Variants in KHDRBS2 observed in about 807,000 individuals in gnomAD.
The protein encoded by KHDRBS2 is KH domain-containing, RNA-binding, signal transduction-associated protein 2.
KHDRBS2 carries 26 observed loss-of-function variants against 44.3 expected under a neutral mutation model. That is an observed-to-expected ratio of 0.59 (90% CI 0.43 to 0.81). The LOEUF is 0.81. Among genes scored for constraint, KHDRBS2 ranks in the 40% least tolerant of loss-of-function variants. The pLI is 0.00. For synonymous variants in KHDRBS2, 194 were observed against 151.1 expected, an observed-to-expected ratio of 1.28 and a Z score of -2.08; for missense variants, 476 against 433.1, an observed-to-expected ratio of 1.10 and a Z score of -0.88.
the KHDRBS2 span, among the ~76,000 whole-genome samples, chr6:61,625,688 G>A: frequency 7.2e-5 from 11 of 152,110 alleles, no homozygotes; most frequent in Non-Finnish European, 8.8e-5. Context: ...TGTCAGACTT[G>A]CATCAGAAAC....
At chr6:61,960,511 A>G (rs1468128906) in intron 4 of KHDRBS2, among the ~76,000 whole-genome samples, 2 of 152,156 alleles carry the variant, frequency 1.3e-5, no homozygotes, top group East Asian at 1.9e-4. Context: ...GTGGTGAAAT[A>G]AAGTGAAATA....
chr6:61,801,080 C>T (rs531721859), intron 6 of KHDRBS2, among the ~76,000 whole-genome samples: 3 of 152,232 alleles, frequency 2.0e-5, no homozygotes, highest in East Asian at 3.9e-4. Context: ...ATAATTTCTA[C>T]CCAAATTCTA....
At chr6:61,614,065 T>C in the KHDRBS2 span, among the ~76,000 whole-genome samples, 4 of 152,216 alleles carry the variant, frequency 2.6e-5, no homozygotes, top group Non-Finnish European at 5.9e-5. Flanking sequence ...ATTATTTTAT[T>C]CGCTTCTTTA....
chr6:61,705,522 A>G (rs1381793920), intron 7 of KHDRBS2, among the ~76,000 whole-genome samples: 2 of 151,874 alleles, frequency 1.3e-5, no homozygotes, highest in African/African-American at 2.4e-5. Context: ...TAGCTAATTA[A>G]GTTACTTGTC....
chr6:61,551,258 G>A, the KHDRBS2 span, among the ~76,000 whole-genome samples: 2 of 151,946 alleles, frequency 1.3e-5, no homozygotes, highest in Admixed American at 6.6e-5. Context: ...TATAAGTTTT[G>A]GTTATTAGAC....
intron 6 of KHDRBS2, among the ~76,000 whole-genome samples, chr6:61,811,859 A>G (rs951148836): frequency 1.3e-5 from 2 of 152,020 alleles, no homozygotes; most frequent in African/African-American, 4.8e-5. Flanking sequence ...ATAAAATCTG[A>G]TGTTTCTTCA....
chr6:61,702,368 T>A (rs1413682870), intron 7 of KHDRBS2, among the ~76,000 whole-genome samples: 2 of 151,948 alleles, frequency 1.3e-5, no homozygotes, highest in Non-Finnish European at 2.9e-5. Context: ...CAGTGAATGA[T>A]GCCATGGAGC....
chr6:61,680,880 C>T lies in KHDRBS2; in HGVS notation c.*83G>A, dbSNP rs1263917365. The stretch of plus-strand genomic sequence containing the variant: ...TAGAAACAAACAAACAAAAAAAGGA[C>T]TATTACTTGTCTTGTTGCTGTTTAT... On this transcript the variant is annotated 3_prime_UTR_variant, in exon 9 of 9. Transcript: ENST00000281156. 4.1e-5 allele frequency: 32 copies of T among 785,928 alleles called. No individual in the cohort carries two copies. Among genetic ancestry groups the T allele is most frequent in the Non-Finnish European group, 1.5e-5 (7 of 467,700 alleles). 48.7% of individuals were successfully genotyped at this position (785,928 alleles called of 1,614,324 possible).
chr6:61,908,491 G>T (rs534462108), intron 4 of KHDRBS2, among the ~76,000 whole-genome samples: 19 of 151,936 alleles, frequency 1.3e-4, no homozygotes, highest in African/African-American at 4.6e-4. Context: ...AAAATTAGCC[G>T]GGCGTGGTGG....
At chr6:61,704,457 C>T (rs1383584203) in intron 7 of KHDRBS2, among the ~76,000 whole-genome samples, 1 of 151,722 alleles carries the variant, frequency 6.6e-6, no homozygotes, top group African/African-American at 2.4e-5. Flanking sequence ...TCAGCACCAA[C>T]CAAGTCCCAG....
At chr6:62,235,971 T>C (rs1425497524) in intron 1 of KHDRBS2, among the ~76,000 whole-genome samples, 1 of 152,100 alleles carries the variant, frequency 6.6e-6, no homozygotes, top group Non-Finnish European at 1.5e-5. Flanking sequence ...AGGAGGAAAA[T>C]TAGATCAACT....
chr6:61,670,263 A>G, the KHDRBS2 span, among the ~76,000 whole-genome samples: 1 of 151,380 alleles, frequency 6.6e-6, no homozygotes, highest in Non-Finnish European at 1.5e-5. Context: ...TTGTACCTGA[A>G]TTACTCACTA....
intron 1 of KHDRBS2, among the ~76,000 whole-genome samples, chr6:62,277,377 T>C (rs1841111846): frequency 6.6e-6 from 1 of 152,178 alleles, no homozygotes; most frequent in Non-Finnish European, 1.5e-5. Flanking sequence ...AGTCTTGCTC[T>C]GTCACCCAAG....
intron 6 of KHDRBS2, among the ~76,000 whole-genome samples, chr6:61,790,407 TAAAA>T (rs60297993): frequency 7.2e-6 from 1 of 139,742 alleles, no homozygotes; most frequent in Non-Finnish European, 1.6e-5. Flanking sequence ...ACTTGGGACT[TAAAA>T]AAAAAAAAAA....
intron 6 of KHDRBS2, among the ~76,000 whole-genome samples, chr6:61,774,956 C>T (rs1282663586): frequency 3.3e-5 from 5 of 152,150 alleles, no homozygotes; most frequent in African/African-American, 7.2e-5. Flanking sequence ...ATCAAGTGGG[C>T]TTCAACCCCG....
intron 3 of KHDRBS2, among the ~76,000 whole-genome samples, chr6:61,993,673 A>ATATATATATATT (rs1425839225): frequency 1.7e-5 from 2 of 115,692 alleles, no homozygotes; most frequent in African/African-American, 3.2e-5. Flanking sequence ...ATATATATAT[A>ATATATATATATT]TTTTTTTTTT....
chr6:61,721,840 G>A (rs1772621493), intron 7 of KHDRBS2, among the ~76,000 whole-genome samples: 1 of 52,334 alleles, frequency 1.9e-5, no homozygotes, highest in Admixed American at 2.0e-4. Context: ...GTGAGAGAGG[G>A]CACCCCGTCT....
chr6:62,034,344 T>C (rs1004499281), intron 3 of KHDRBS2, among the ~76,000 whole-genome samples: 1 of 151,780 alleles, frequency 6.6e-6, no homozygotes, highest in Non-Finnish European at 1.5e-5. Context: ...AGTACCCTGA[T>C]ACCAAAACCA....
chr6:61,548,470 C>T, the KHDRBS2 span, among the ~76,000 whole-genome samples: 3 of 152,052 alleles, frequency 2.0e-5, no homozygotes, highest in African/African-American at 7.2e-5. Flanking sequence ...CTACCAAGAT[C>T]TCAAGGGATG....
Sources: gnomAD v4.1 joint callset for allele counts (sites outside exome capture counted in the v4.1 genomes callset) on GRCh38, gnomAD v4.1.1 for gene constraint, MANE v1.5 for transcripts, NCBI Gene and HGNC (gene_info 2026-07-23, HGNC 2026-07-21) for gene names.